The following RANBP2 variants were observed in gnomAD, a reference collection of about 807,000 sequenced individuals.
The protein encoded by RANBP2 is E3 SUMO-protein ligase RanBP2.
A neutral mutation model predicts 303.6 loss-of-function variants in RANBP2; 57 were observed. The ratio of observed to expected loss-of-function variants is 0.19; its 90% CI spans 0.15 to 0.23. The LOEUF is 0.23. RANBP2 is among the 10% of genes least tolerant of loss of function. RANBP2 has a pLI of 1.00. For missense variants in RANBP2, 3,138 were observed against 3,780.8 expected (o/e 0.83, Z 4.46); for synonymous variants, 1,167 against 1,301.5 (o/e 0.90, Z 2.23).
chr2:109,420,546 C>T, the RANBP2 span, among the ~76,000 whole-genome samples: 46 of 152,194 alleles, frequency 3.0e-4, no homozygotes, highest in Non-Finnish European at 6.2e-4. Flanking sequence ...CCCAGGTTCA[C>T]GCAATTCTCC....
the RANBP2 span, among the ~76,000 whole-genome samples, chr2:109,647,754 G>A: frequency 6.6e-6 from 1 of 152,146 alleles, no homozygotes; most frequent in Non-Finnish European, 1.5e-5. Context: ...ACAGGCATGA[G>A]CCACCCCGCC....
At chr2:109,022,353 T>A in the RANBP2 span, among the ~76,000 whole-genome samples, 1 of 152,264 alleles carries the variant, frequency 6.6e-6, no homozygotes, top group African/African-American at 2.4e-5. Flanking sequence ...GGGAGCAGTG[T>A]TACTGTCCTC....
the RANBP2 span, among the ~76,000 whole-genome samples, chr2:108,987,053 A>G: frequency 4.6e-5 from 7 of 152,250 alleles, no homozygotes; most frequent in Admixed American, 4.6e-4. Flanking sequence ...GGCTAGGAGG[A>G]GGGTGAGGGG....
At chr2:109,155,427 C>T in the RANBP2 span, among the ~76,000 whole-genome samples, 13 of 152,118 alleles carry the variant, frequency 8.5e-5, no homozygotes, top group African/African-American at 3.1e-4. Context: ...CTCGGCCTCC[C>T]GAGTAGCTGG....
At chr2:109,638,040 G>A in the RANBP2 span, among the ~76,000 whole-genome samples, 3 of 152,174 alleles carry the variant, frequency 2.0e-5, no homozygotes, top group African/African-American at 7.2e-5. Flanking sequence ...TTGTGTAAGA[G>A]GATGTCCTTC....
chr2:109,320,890 A>C, the RANBP2 span, among the ~76,000 whole-genome samples: 1 of 152,194 alleles, frequency 6.6e-6, no homozygotes, highest in Non-Finnish European at 1.5e-5. Context: ...GATACTCATC[A>C]CCTGGGTTAA....
At chr2:109,129,782 G>A in the RANBP2 span, 1 of 1,539,334 alleles carries the variant, frequency 6.5e-7, no homozygotes, top group Middle Eastern at 1.8e-4. Context: ...TGCCGCCGCT[G>A]CCTGGAGAGC....
the RANBP2 span, among the ~76,000 whole-genome samples, chr2:109,491,324 CAG>C: frequency 6.6e-5 from 10 of 152,168 alleles, no homozygotes; most frequent in Admixed American, 1.3e-4. Flanking sequence ...GTGTCCCACT[CAG>C]GGAGCAGCTC....
chr2:109,163,244 G>A, the RANBP2 span, among the ~76,000 whole-genome samples: 1 of 152,192 alleles, frequency 6.6e-6, no homozygotes, highest in Non-Finnish European at 1.5e-5. Flanking sequence ...GGTGTGTGGT[G>A]TGTTGACTGT....
the RANBP2 span, among the ~76,000 whole-genome samples, chr2:108,940,968 G>A: frequency 6.6e-6 from 1 of 152,196 alleles, no homozygotes; most frequent in African/African-American, 2.4e-5. Context: ...CCTGTGGCTT[G>A]ATACAGAGCC....
the RANBP2 span, among the ~76,000 whole-genome samples, chr2:109,174,247 T>C: frequency 3.3e-5 from 5 of 152,372 alleles, no homozygotes; most frequent in South Asian, 1.0e-3. Flanking sequence ...CAGTTTTATC[T>C]ATGACTGGGA....
the RANBP2 span, among the ~76,000 whole-genome samples, chr2:109,341,899 A>T: frequency 6.6e-6 from 1 of 152,208 alleles, no homozygotes; most frequent in African/African-American, 2.4e-5. Context: ...GCTTGATCTC[A>T]GTTGAAATTT....
At chr2:109,436,678 C>T in the RANBP2 span, among the ~76,000 whole-genome samples, 96 of 152,380 alleles carry the variant, frequency 6.3e-4, no homozygotes, top group African/African-American at 2.3e-3. Flanking sequence ...TTTGCTATCT[C>T]TTAAATATTT....
At chr2:109,172,188 G>A in the RANBP2 span, among the ~76,000 whole-genome samples, 1 of 152,210 alleles carries the variant, frequency 6.6e-6, no homozygotes, top group African/African-American at 2.4e-5. Context: ...CTGTGCATTA[G>A]CTCTCAGACC....
At chr2:109,604,981 G>T in the RANBP2 span, 1 of 152,192 alleles carries the variant, frequency 6.6e-6, no homozygotes, top group Non-Finnish European at 1.5e-5. Flanking sequence ...CAGGTTTGAT[G>T]CAACTTTGGA....
At chr2:109,218,564 C>T in the RANBP2 span, among the ~76,000 whole-genome samples, 1 of 152,096 alleles carries the variant, frequency 6.6e-6, no homozygotes, top group Non-Finnish European at 1.5e-5. Flanking sequence ...AACAATAGAC[C>T]TTTTCATCTC....
At chr2:109,080,767 A>G in the RANBP2 span, among the ~76,000 whole-genome samples, 364 of 152,360 alleles carry the variant, frequency 2.4e-3, 2 homozygotes, top group Non-Finnish European at 3.9e-3. Flanking sequence ...AAGTAAAATT[A>G]TGTATGTGTG....
the RANBP2 span, among the ~76,000 whole-genome samples, chr2:108,820,299 G>A: frequency 2.6e-5 from 4 of 152,054 alleles, no homozygotes; most frequent in African/African-American, 7.2e-5. Context: ...AGAAAAAAAC[G>A]AAGAAAAGTG....
At chr2:109,120,984 C>T in the RANBP2 span, among the ~76,000 whole-genome samples, 1 of 152,154 alleles carries the variant, frequency 6.6e-6, no homozygotes, top group Non-Finnish European at 1.5e-5. Context: ...CGGTGGCTCA[C>T]GCCTGTAATC....
Sources: allele counts gnomAD v4.1 joint callset (sites outside exome capture counted in the v4.1 genomes callset), GRCh38; gene constraint gnomAD v4.1.1; transcripts MANE v1.5; gene names NCBI Gene and HGNC (gene_info 2026-07-23, HGNC 2026-07-21).